Variants in ZNF17 observed in about 807,000 individuals in gnomAD.
ZNF17 encodes zinc finger protein 17 (HPF3, KOX 10).
Under a neutral mutation model 7.7 loss-of-function variants are expected in ZNF17, and 4 were observed. That is an observed-to-expected ratio of 0.52 (90% CI 0.26 to 1.20). The LOEUF (loss-of-function observed/expected upper bound fraction) is 1.20. Among genes scored for constraint, ZNF17 ranks in the 50% most tolerant of loss-of-function variants. ZNF17 has a pLI of 0.14. For synonymous variants in ZNF17, 249 were observed against 258.8 expected (o/e 0.96, Z 0.36); for missense variants, 738 against 799.5 (o/e 0.92, Z 0.93).
intron 1 of ZNF17, among the ~76,000 whole-genome samples, chr19:57,412,868 G>A (rs567637647): frequency 2.0e-5 from 3 of 151,702 alleles, no homozygotes; most frequent in Admixed American, 6.6e-5. Flanking sequence ...ATTGTTGAAT[G>A]TTGATTTTTC....
In ZNF17 at chr19:57,420,870, C is replaced by CA. The variant is rs2088846035; in HGVS notation, c.1385dup (p.His462GlnfsTer12). 6.2e-7 allele frequency: 1 copy of CA among 1,614,052 alleles called. No homozygotes were observed. The highest frequency in any genetic ancestry group is 8.5e-7 in the Non-Finnish European group (1 of 1,180,046). On this transcript the variant is annotated frameshift_variant, in exon 4 of 4. Coordinates refer to ENST00000307658, the MANE Select transcript of ZNF17 (RefSeq NM_001330617.2). LOFTEE classifies it low-confidence loss of function (END_TRUNC). ...TAGGTATTGCTTCACACTGAATAGACATCAGAGAGTTCACTCTGGAGAGAG... is the reference window on the plus strand; with the variant it reads ...TAGGTATTGCTTCACACTGAATAGACAATCAGAGAGTTCACTCTGGAGAGAG...
Position 57,420,406 on chromosome 19 carries a change from G to A in ZNF17, c.920G>A (p.Ser307Asn), listed in dbSNP as rs369950261. ...IHTRPRPYVC[S>N]ECGKAFLTQA... Reference sequence around the variant, plus strand: ...ACCAGGCCAAGGCCTTATGTGTGTAGTGAATGTGGGAAGGCCTTCCTTACA... The same window carrying A: ...ACCAGGCCAAGGCCTTATGTGTGTAATGAATGTGGGAAGGCCTTCCTTACA... Residue 307 changes from serine (S) to asparagine (N), a missense_variant, in exon 4 of 4, where the codon AGT becomes AAT. This residue lies in a region of ZNF17 where 616 missense variants were observed against 663.9 expected (regional missense o/e 0.93). Transcript: ENST00000307658. The A allele has an allele frequency of 6.2e-7, 1 of 1,614,176 alleles. No individual in the cohort carries two copies. Among genetic ancestry groups the A allele is most frequent in the Non-Finnish European group, 8.5e-7 (1 of 1,180,030 alleles).
intron 2 of ZNF17, among the ~76,000 whole-genome samples, chr19:57,415,885 G>A (rs995784882): frequency 5.3e-5 from 8 of 152,094 alleles, no homozygotes; most frequent in South Asian, 4.2e-4. Flanking sequence ...AGTTTCACGC[G>A]AACTCTGAGA....
At chr19:57,415,738 G>T (rs762718365) in intron 2 of ZNF17, among the ~76,000 whole-genome samples, 46 of 152,098 alleles carry the variant, frequency 3.0e-4, no homozygotes, top group Non-Finnish European at 6.0e-4. Flanking sequence ...AGGCTTTTGA[G>T]GGGGAGAGTG....
rs2088840646 is a variant in ZNF17 at position 57,420,343 on chromosome 19, T to C, written c.857T>C (p.Leu286Pro). 1 of 1,613,880 alleles carries C rather than the reference T, an allele frequency of 6.2e-7. No individual in the cohort carries two copies. Among genetic ancestry groups the C allele is most frequent in the South Asian group, 1.1e-5 (1 of 91,070 alleles). Residue 286 changes from leucine to proline, a missense_variant, in exon 4 of 4, where the codon CTT becomes CCT. This residue lies in a region of ZNF17 where 616 missense variants were observed against 663.9 expected (regional missense o/e 0.93). Transcript: ENST00000307658. Reference protein sequence around the residue: ...YECSECGKAFLRKSHLLQHQR... With the variant: ...YECSECGKAFPRKSHLLQHQR... ...TGCAGTGAATGTGGGAAAGCTTTTCTTAGAAAGTCTCACCTACTTCAGCAC... is the reference window on the plus strand; with the variant it reads ...TGCAGTGAATGTGGGAAAGCTTTTCCTAGAAAGTCTCACCTACTTCAGCAC...
At chr19:57,416,249 A>G (rs1226486088) in intron 2 of ZNF17, among the ~76,000 whole-genome samples, 2 of 152,160 alleles carry the variant, frequency 1.3e-5, no homozygotes, top group Non-Finnish European at 2.9e-5. Flanking sequence ...GCAGAGTGGC[A>G]TGGTAACACG....
chr19:57,412,302 G>A (rs1385232686), intron 1 of ZNF17, among the ~76,000 whole-genome samples: 1 of 152,144 alleles, frequency 6.6e-6, no homozygotes, highest in Non-Finnish European at 1.5e-5. Context: ...GACGGGGGTA[G>A]GGCTTTCTCA....
chr19:57,411,683 G>A, intron 1 of ZNF17: 3 of 1,337,834 alleles, frequency 2.2e-6, no homozygotes, highest in Non-Finnish European at 2.9e-6. Flanking sequence ...GAGGGCAGCG[G>A]AGCTGCTGAA....
chr19:57,412,909 C>T (rs1050388838), intron 1 of ZNF17, among the ~76,000 whole-genome samples: 1 of 150,368 alleles, frequency 6.7e-6, no homozygotes, highest in African/African-American at 2.4e-5. Flanking sequence ...GACGGAGTCT[C>T]GCTCTGTCGC....
chr19:57,419,801 C>T lies in ZNF17; in HGVS notation c.315C>T (p.Asp105=), dbSNP rs777113024. 50 of 1,614,168 alleles carry T rather than the reference C, an allele frequency of 3.1e-5. No individual in the cohort carries two copies. In the East Asian group the frequency reaches 9.8e-4, roughly 32 times the overall value. ...ACATTCTACACCTGGCTGAGCATGA[C>T]GGAACACACCCCAAGCGTACAGCCA... The part of the protein sequence containing the change: ...LKDILHLAEH[D]GTHPKRTAKL... The change falls in exon 4 of 4, where the codon GAC becomes GAT. Residue 105 remains aspartate, a synonymous_variant. Transcript: ENST00000307658.
At chr19:57,413,881 A>C (rs575524229) in intron 2 of ZNF17, among the ~76,000 whole-genome samples, 1 of 152,118 alleles carries the variant, frequency 6.6e-6, no homozygotes, top group Non-Finnish European at 1.5e-5. Context: ...AGAATGTTCA[A>C]ATGCTTGGTG....
intron 1 of ZNF17, 30 bp downstream of exon 1, chr19:57,411,436 C>A: frequency 6.2e-7 from 1 of 1,607,590 alleles, no homozygotes. Context: ...GCGCCCCGCC[C>A]GATCCCTCCT....
At chr19:57,417,692 CA>C (rs2123067158) in intron 2 of ZNF17, among the ~76,000 whole-genome samples, 1 of 151,790 alleles carries the variant, frequency 6.6e-6, no homozygotes, top group Non-Finnish European at 1.5e-5. Flanking sequence ...ACTAAAAATA[CA>C]AAAATTAGCC....
Position 57,421,527 on chromosome 19 carries a change from C to G in ZNF17, c.*46C>G. The G allele has an allele frequency of 5.2e-6, 8 of 1,533,702 alleles. No homozygotes were observed. In the South Asian group the frequency reaches 9.1e-5, roughly 18 times the overall value. ...ATGGGGAAAGACTTCACACAGAAAT[C>G]TACTCTGATTTAGCACTGGGACCTA... On this transcript the variant is annotated 3_prime_UTR_variant, in exon 4 of 4. Coordinates refer to ENST00000307658, the MANE Select transcript of ZNF17 (RefSeq NM_001330617.2).
At chr19:57,417,852 AAAAAAAAAAAG>A (rs2088821131) in intron 2 of ZNF17, 49 bp from the exon 3 acceptor site, 2 of 1,584,250 alleles carry the variant, frequency 1.3e-6, no homozygotes, top group African/African-American at 2.8e-5. Context: ...TCTCAAAAAA[AAAAAAAAAAAG>A]AAAGAAAAAA....
chr19:57,416,804 G>T lies in ZNF17; in HGVS notation c.22-1108G>T, dbSNP rs187366138. Among the ~76,000 whole-genome samples, 192 of 151,856 alleles carry T rather than the reference G, an allele frequency of 1.3e-3. 1 individual carries two copies. Among genetic ancestry groups the T allele is most frequent in the African/African-American group, 3.4e-3 (142 of 41,422 alleles). ...ATTAGAGGCATGAGCCACCATGCCC[G>T]GCCATGTGCCAGGTTTTGATGGCGC... On this transcript the variant is annotated intron_variant, in intron 2 of 3. Transcript: ENST00000307658.
rs776720886 is a variant in ZNF17, at chr19:57,415,224, A to G, written c.21+1588A>G. ...GCTGCTCACATTTTTTGATGTACAG[A>G]GCGAGGAAGCTCGGGAGGTAGGATG... On this transcript the variant is annotated intron_variant, in intron 2 of 3. Transcript: ENST00000307658. Among the ~76,000 whole-genome samples the G allele has an allele frequency of 3.4e-4, 51 of 152,074 alleles. 1 individual carries two copies. The highest frequency in any genetic ancestry group is 5.7e-4 in the Non-Finnish European group (39 of 68,016).
Position 57,419,718 on chromosome 19 carries a change from C to G in ZNF17, c.232C>G (p.Pro78Ala). 6.2e-7 allele frequency: 1 copy of G among 1,614,200 alleles called. No individual in the cohort carries two copies. Among genetic ancestry groups the G allele is most frequent in the Non-Finnish European group, 8.5e-7 (1 of 1,180,032 alleles). Residue 78 changes from proline (P) to alanine (A), a missense_variant, in exon 4 of 4, where the codon CCA becomes GCA. This residue lies in a region of ZNF17 where 616 missense variants were observed against 663.9 expected (regional missense o/e 0.93). Coordinates refer to ENST00000307658, the MANE Select transcript of ZNF17 (RefSeq NM_001330617.2). Reference sequence around the variant, plus strand: ...AGTGTCACAGGTCACAACTTTAAAGCCAGCTTTGTCCACCCAGAAGGCCCA... The same window carrying G: ...AGTGTCACAGGTCACAACTTTAAAGGCAGCTTTGTCCACCCAGAAGGCCCA... ...VGVSQVTTLK[P>A]ALSTQKAQPC...
At position 57,419,787 on chromosome 19, in the gene ZNF17, C is replaced by T. The variant is rs1290941354; in HGVS notation, c.301C>T (p.Leu101=). 1 of 1,614,188 alleles carries T rather than the reference C, an allele frequency of 6.2e-7. No homozygotes were observed. The highest frequency in any genetic ancestry group is 1.7e-5 in the Admixed American group (1 of 60,016). ...CSSLLKDILH[L]AEHDGTHPKR... Reference sequence around the variant, plus strand: ...CTCACTTCTGAAGGACATTCTACACCTGGCTGAGCATGACGGAACACACCC... The same window carrying T: ...CTCACTTCTGAAGGACATTCTACACTTGGCTGAGCATGACGGAACACACCC... The change falls in exon 4 of 4, where the codon CTG becomes TTG. Residue 101 remains leucine, a synonymous_variant. Transcript: ENST00000307658.
Sources: gnomAD v4.1 joint callset for allele counts (sites outside exome capture counted in the v4.1 genomes callset) on GRCh38, gnomAD v4.1.1 for gene constraint, gnomAD v4.1.1 regional missense constraint, MANE v1.5 for transcripts, NCBI Gene and HGNC (gene_info 2026-07-23, HGNC 2026-07-21) for gene names.